RASSF2: variants seen among roughly 807,000 people sequenced by gnomAD.
The protein encoded by RASSF2 is ras association domain-containing protein 2.
A neutral mutation model predicts 46.3 loss-of-function variants in RASSF2; 34 were observed. That is an observed-to-expected ratio of 0.73 (90% CI 0.56 to 0.98). The LOEUF (loss-of-function observed/expected upper bound fraction) is 0.98, where lower values mean the gene tolerates loss of function less well. Ranked by LOEUF, RASSF2 falls within the 50% of genes least tolerant of loss-of-function variation. The pLI is 0.00. For synonymous variants in RASSF2, 158 were observed against 162.5 expected, an observed-to-expected ratio of 0.97 and a Z score of 0.21; for missense variants, 364 against 431.2, an observed-to-expected ratio of 0.84 and a Z score of 1.38.
chr20:4,798,510 A>G (rs1214669321), intron 3 of RASSF2, among the ~76,000 whole-genome samples: 3 of 152,174 alleles, frequency 2.0e-5, no homozygotes. Context: ...AGGAAAGGAC[A>G]ATAATGATAG....
intron 2 of RASSF2, among the ~76,000 whole-genome samples, chr20:4,806,313 C>A (rs1927338233): frequency 6.6e-6 from 1 of 152,216 alleles, no homozygotes; most frequent in African/African-American, 2.4e-5. Flanking sequence ...GATCGCGCAG[C>A]CTGGTTGGAG....
intron 2 of RASSF2, among the ~76,000 whole-genome samples, chr20:4,814,694 A>AC (rs1198876696): frequency 6.6e-6 from 1 of 151,944 alleles, no homozygotes; most frequent in Admixed American, 6.6e-5. Context: ...TCCACCCTCC[A>AC]CCCTCCTTTA....
chr20:4,802,755 C>T (rs986948615), intron 2 of RASSF2, among the ~76,000 whole-genome samples: 1 of 151,802 alleles, frequency 6.6e-6, no homozygotes. Flanking sequence ...TGGAGATAGA[C>T]GGCAGTGATG....
intron 3 of RASSF2, 110 bp downstream of exon 3, chr20:4,800,862 A>T (rs1926803459): frequency 1.1e-6 from 1 of 894,940 alleles, no homozygotes; most frequent in Non-Finnish European, 1.9e-6. Context: ...CAGGAGCCCC[A>T]CCAGTCTGAT....
At position 4,801,168 on chromosome 20, in the gene RASSF2, C is replaced by T. The variant is rs375453600; in HGVS notation, c.-32-106G>A. On this transcript the variant is annotated intron_variant, in intron 2 of 11. Coordinates refer to ENST00000379400, the MANE Select transcript of RASSF2 (RefSeq NM_014737.3). ...CACAAAATTGGACGCCATGGCTCTCCGTTCCTCCCCACCCAGATCCACAGC... is the reference window on the plus strand; with the variant it reads ...CACAAAATTGGACGCCATGGCTCTCTGTTCCTCCCCACCCAGATCCACAGC... 3.1e-4 allele frequency: 237 copies of T among 754,690 alleles called. 2 individuals are homozygous for T. The East Asian group carries it at 5.3e-3, about 17-fold the overall frequency. 46.7% of individuals were successfully genotyped at this position (754,690 alleles called of 1,614,324 possible). A position where few individuals can be genotyped will look rare whatever the true frequency, so the allele number is the denominator to read the frequency against.
chr20:4,797,265 C>T (rs942959432), intron 4 of RASSF2, among the ~76,000 whole-genome samples: 1 of 152,222 alleles, frequency 6.6e-6, no homozygotes, highest in African/African-American at 2.4e-5. Context: ...ATCCCACATA[C>T]TGTCCCCAAG....
intron 2 of RASSF2, among the ~76,000 whole-genome samples, chr20:4,818,376 T>C (rs542188590): frequency 6.6e-6 from 1 of 152,254 alleles, no homozygotes; most frequent in East Asian, 1.9e-4. Context: ...ATCCCATGAC[T>C]TGGATGCCTA....
chr20:4,785,618 GGA>G (rs1416955621), intron 11 of RASSF2, among the ~76,000 whole-genome samples: 3 of 152,170 alleles, frequency 2.0e-5, no homozygotes, highest in Admixed American at 1.3e-4. Flanking sequence ...GGAGGAAGGG[GGA>G]GAGGAGAGGA....
rs1925994141 is a variant in RASSF2 at position 4,792,621 on chromosome 20, A to G, written c.294T>C (p.Thr98=). The G allele has an allele frequency of 6.2e-7, 1 of 1,613,212 alleles. No individual in the cohort carries two copies. Among genetic ancestry groups the G allele is most frequent in the South Asian group, 1.1e-5 (1 of 91,036 alleles). The change falls in exon 6 of 12, where the codon ACT becomes ACC. Residue 98 remains threonine, a synonymous_variant. Coordinates refer to ENST00000379400, the MANE Select transcript of RASSF2 (RefSeq NM_014737.3). ...CTTTGGGCACAGTCAGGGGCTTCAG[A>G]GTGGTTCTGGGAGTGGAGAAGACAA... ...SGCNLGAQGT[T]LKPLTVPKVQ...
rs1006769970 is a variant in RASSF2 at position 4,790,284 on chromosome 20, C to T, written c.537+167G>A. 1.3e-5 allele frequency among the ~76,000 whole-genome samples: 2 copies of T among 152,216 alleles called. No homozygotes were observed. The highest frequency in any genetic ancestry group is 2.9e-5 in the Non-Finnish European group (2 of 68,032). ...GCTTCTGACCTGGGGTCCCTCAGCC[C>T]TCAGGAAGCCAGCAGGGCTTGCAGC... On this transcript the variant is annotated intron_variant, in intron 7 of 11. Coordinates refer to ENST00000379400, the MANE Select transcript of RASSF2 (RefSeq NM_014737.3). The surrounding 1 kb of genome is among the most constrained non-coding windows in gnomAD (Gnocchi z 4.3).
At chr20:4,801,885 C>T (rs1926901422) in intron 2 of RASSF2, among the ~76,000 whole-genome samples, 2 of 151,518 alleles carry the variant, frequency 1.3e-5, no homozygotes, top group Non-Finnish European at 2.9e-5. Context: ...ACTACAGGTG[C>T]CCGCCATCAC....
chr20:4,813,112 A>G (rs989427318), intron 2 of RASSF2, among the ~76,000 whole-genome samples: 40 of 151,790 alleles, frequency 2.6e-4, no homozygotes, highest in African/African-American at 9.7e-4. Context: ...ACAATGAACT[A>G]CCCCTCCCAT....
chr20:4,787,621 A>C lies in RASSF2; in HGVS notation c.813+12T>G. 1 of 1,614,120 alleles carries C rather than the reference A, an allele frequency of 6.2e-7. No homozygotes were observed. Among genetic ancestry groups the C allele is most frequent in the Admixed American group, 1.7e-5 (1 of 60,016 alleles). The stretch of plus-strand genomic sequence containing the variant: ...TCCTGAGGACAGATCGCCTGACCCA[A>C]AGGGAACTCACGTCGTAGGTGACTT... On this transcript the variant is annotated intron_variant, in intron 10 of 11. Coordinates refer to ENST00000379400, the MANE Select transcript of RASSF2 (RefSeq NM_014737.3).
chr20:4,784,122 T>C lies in RASSF2; in HGVS notation c.*151A>G. The C allele has an allele frequency of 1.4e-6, 1 of 736,498 alleles. No homozygotes were observed. The highest frequency in any genetic ancestry group is 2.3e-6 in the Non-Finnish European group (1 of 425,564). The allele number at this position is 736,498 out of a possible 1,614,324, so 45.6% of individuals were successfully genotyped here. A position where few individuals can be genotyped will look rare whatever the true frequency, so the allele number is the denominator to read the frequency against. ...GGATAGGGAGCTGTCTGCTGACTTC[T>C]ACATCCAGCTCCAGGTAGCAAATGA... On this transcript the variant is annotated 3_prime_UTR_variant, in exon 12 of 12. Transcript: ENST00000379400.
chr20:4,790,479 G>A lies in RASSF2; in HGVS notation c.509C>T (p.Ser170Phe), dbSNP rs1777844978. The A allele has an allele frequency of 1.3e-6, 2 of 1,500,074 alleles. No homozygotes were observed. The highest frequency in any genetic ancestry group is 1.8e-6 in the Non-Finnish European group (2 of 1,128,148). The allele number at this position is 1,500,074 out of a possible 1,614,324, so 92.9% of individuals were successfully genotyped here. Residue 170 changes from serine (S) to phenylalanine (F), a missense_variant, in exon 7 of 12, where the codon TCC becomes TTC. Coordinates refer to ENST00000379400, the MANE Select transcript of RASSF2 (RefSeq NM_014737.3). This position sits in a 1 kb window ranked among gnomAD's most constrained non-coding sequence, Gnocchi z 4.3. ...ATGGTTGTAGAAATGGCCGTTGATG[G>A]AGAAGCGGTGGCGTCTGATTCGCCG... ...DQRRIRRHRF[S>F]INGHFYNHKT...
intron 6 of RASSF2, among the ~76,000 whole-genome samples, chr20:4,791,254 A>G (rs1297645633): frequency 6.6e-6 from 1 of 152,160 alleles, no homozygotes; most frequent in African/African-American, 2.4e-5. Flanking sequence ...AGCTAAAGAG[A>G]GAAGGATGTG....
intron 2 of RASSF2, among the ~76,000 whole-genome samples, chr20:4,820,226 C>T (rs1294287071): frequency 1.3e-5 from 2 of 152,198 alleles, no homozygotes; most frequent in Non-Finnish European, 2.9e-5. Context: ...TCTTCTGGGC[C>T]AGGCACAGTG....
In RASSF2 at chr20:4,795,523, A is replaced by T. The variant is rs1926261566; in HGVS notation, c.287+292T>A. The T allele has an allele frequency of 3.5e-6, 1 of 285,620 alleles. No individual in the cohort carries two copies. The highest frequency in any genetic ancestry group is 2.2e-5 in the African/African-American group (1 of 45,364). 17.7% of individuals were successfully genotyped at this position (285,620 alleles called of 1,614,324 possible). On this transcript the variant is annotated intron_variant, in intron 5 of 11. Transcript: ENST00000379400. This position sits in a 1 kb window ranked among gnomAD's most constrained non-coding sequence, Gnocchi z 4.0. ...TAGCCACTAGCAGCTCCACTCAGAG[A>T]CTCCTGAGTTCTCCCTAAGGGAGGA...
chr20:4,819,819 T>A (rs2122703160), intron 2 of RASSF2, among the ~76,000 whole-genome samples: 1 of 152,350 alleles, frequency 6.6e-6, no homozygotes, highest in Admixed American at 6.5e-5. Context: ...CAGGTATTTC[T>A]CTGCCAATTT....
Sources: gnomAD v4.1 joint callset for allele counts (sites outside exome capture counted in the v4.1 genomes callset) on GRCh38, gnomAD v4.1.1 for gene constraint, Gnocchi (gnomAD v3.1) non-coding constraint, MANE v1.5 for transcripts, NCBI Gene and HGNC (gene_info 2026-07-23, HGNC 2026-07-21) for gene names.